NLRP9: variants seen among roughly 807,000 people sequenced by gnomAD.
NLRP9 encodes NLR family pyrin domain containing 9.
In NLRP9, 88 loss-of-function variants were observed where a neutral mutation model predicts 83.1. The ratio of observed to expected loss-of-function variants is 1.06; its 90% CI spans 0.89 to 1.26. The LOEUF (loss-of-function observed/expected upper bound fraction) is 1.26. Ranked by LOEUF, NLRP9 falls within the 50% of genes most tolerant of loss-of-function variation. The pLI is 0.00. For missense variants in NLRP9, 1,308 were observed against 1,179.3 expected, an observed-to-expected ratio of 1.11 and a Z score of -1.60; for synonymous variants, 521 against 447.6, an observed-to-expected ratio of 1.16 and a Z score of -2.07.
chr19:55,733,470 C>T lies in NLRP9; in HGVS notation c.361G>A (p.Glu121Lys), dbSNP rs1405688055. 1 of 1,613,634 alleles carries T rather than the reference C, an allele frequency of 6.2e-7. No homozygotes were observed. Among genetic ancestry groups the T allele is most frequent in the Non-Finnish European group, 8.5e-7 (1 of 1,179,770 alleles). ...TTCATGGTTTCTTTGTAGAAATGCT[C>T]AGGGACGTGAAGACAGGTTTCCTTC... Reference protein sequence around the residue: ...WEKETCLHVPEHFYKETMKNE... With the variant: ...WEKETCLHVPKHFYKETMKNE... The change falls in exon 2 of 9, where the codon GAG becomes AAG. Residue 121 changes from glutamate to lysine, a missense_variant. Transcript: ENST00000332836.
chr19:55,737,756 AAAAAGAT>A (rs1474908632), intron 1 of NLRP9, among the ~76,000 whole-genome samples: 1 of 150,226 alleles, frequency 6.7e-6, no homozygotes, highest in African/African-American at 2.5e-5. Context: ...AAAAAAAAAA[AAAAAGAT>A]AGGCAACTAC....
chr19:55,718,455 G>A (rs914958153), intron 4 of NLRP9, among the ~76,000 whole-genome samples: 6 of 152,218 alleles, frequency 3.9e-5, no homozygotes, highest in African/African-American at 1.4e-4. Context: ...TCCATTCTGA[G>A]ATAGGAGAAA....
In NLRP9 at chr19:55,708,954, A is replaced by C. The variant is rs1158775375; in HGVS notation, c.2934T>G (p.Pro978=). ...TGATCTTGTATTCCTCGTCAATCCA[A>C]GGTCCATGTGAAATGGTCAGATGGG... ...KIPHLTISHG[P]WIDEEYKIRG... Residue 978 remains proline, a synonymous_variant, in exon 9 of 9, where the codon CCT becomes CCG. Transcript: ENST00000332836. The C allele has an allele frequency of 1.9e-6, 3 of 1,584,246 alleles. No individual in the cohort carries two copies. The highest frequency in any genetic ancestry group is 3.7e-5 in the Admixed American group (2 of 53,886).
chr19:55,714,558 GGTGGGGTAAAT>G (rs1987932967), intron 6 of NLRP9, among the ~76,000 whole-genome samples: 2 of 152,168 alleles, frequency 1.3e-5, no homozygotes, highest in Admixed American at 6.6e-5. Flanking sequence ...CCCAGAACCA[GGTGGGGTAAAT>G]GTATAGCCTC....
chr19:55,708,797 CTG>C lies in NLRP9; in HGVS notation c.*113_*114del, dbSNP rs957886015. Reference sequence around the variant, plus strand: ...TTGCTAGAACACTTAGGGAGTACCTCTGAAATCACAGCCCTGCTGCCATGATG... The same window carrying C: ...TTGCTAGAACACTTAGGGAGTACCTCAAATCACAGCCCTGCTGCCATGATG... On this transcript the variant is annotated 3_prime_UTR_variant, in exon 9 of 9. Coordinates refer to ENST00000332836, the MANE Select transcript of NLRP9 (RefSeq NM_176820.4). The C allele has an allele frequency of 1.5e-6, 1 of 681,854 alleles. No homozygotes were observed. Among genetic ancestry groups the C allele is most frequent in the African/African-American group, 1.9e-5 (1 of 53,314 alleles). 42.2% of individuals were successfully genotyped at this position (681,854 alleles called of 1,614,324 possible).
chr19:55,719,267 C>T (rs1988142346), intron 4 of NLRP9, among the ~76,000 whole-genome samples: 1 of 152,218 alleles, frequency 6.6e-6, no homozygotes, highest in Non-Finnish European at 1.5e-5. Context: ...GAGATCCCAC[C>T]TCAGCCTCCC....
chr19:55,719,729 T>C (rs1012488625), intron 4 of NLRP9, among the ~76,000 whole-genome samples: 5 of 152,192 alleles, frequency 3.3e-5, no homozygotes, highest in Non-Finnish European at 7.3e-5. Flanking sequence ...GCAGAAGCCA[T>C]ATTTAAAGAT....
In NLRP9 at chr19:55,732,011, C is replaced by A. The variant is rs1224007610; in HGVS notation, c.1820G>T (p.Gly607Val). The part of the protein sequence containing the change: ...CVENIFPDDS[G>V]CISDYNEKLV... ...TAGACAGACTCACTCTGAGATGCAT[C>A]CTGAGTCATCTGGAAAGATATTCTC... The change falls in exon 2 of 9, where the codon GGA (glycine) becomes GTA (valine). Residue 607 changes from glycine (G) to valine (V), a missense_variant. Transcript: ENST00000332836. The A allele has an allele frequency of 1.9e-6, 3 of 1,562,264 alleles. No homozygotes were observed. The highest frequency in any genetic ancestry group is 2.6e-6 in the Non-Finnish European group (3 of 1,155,464).
At chr19:55,718,540 GGA>G (rs1360506173) in intron 4 of NLRP9, among the ~76,000 whole-genome samples, 2 of 152,200 alleles carry the variant, frequency 1.3e-5, no homozygotes, top group Non-Finnish European at 1.5e-5. Context: ...TGAGATGTTT[GGA>G]TGAAGAGAAA....
chr19:55,723,429 C>T (rs879585706), intron 4 of NLRP9, among the ~76,000 whole-genome samples: 16 of 151,986 alleles, frequency 1.1e-4, no homozygotes, highest in Admixed American at 2.6e-4. Context: ...GGGAGGTGTC[C>T]GTGAGATGAG....
At chr19:55,709,142 C>A (rs1331005532) in intron 8 of NLRP9, 98 bp from the exon 9 acceptor site, 2 of 796,652 alleles carry the variant, frequency 2.5e-6, no homozygotes, top group Admixed American at 3.8e-5. Flanking sequence ...CCTCTTTATT[C>A]TTTCCTAGAA....
At position 55,733,177 on chromosome 19, in the gene NLRP9, G is replaced by T; in HGVS notation, c.654C>A (p.Ser218=). The change falls in exon 2 of 9, where the codon TCC becomes TCA. Residue 218 remains serine, a synonymous_variant. Coordinates refer to ENST00000332836, the MANE Select transcript of NLRP9 (RefSeq NM_176820.4). The part of the protein sequence containing the change: ...ESSEKIEDIF[S]QPERILFIMD... ...TGATGAACAGAATTCTCTCTGGCTG[G>T]GAAAAAATGTCTTCGATCTTCTCTG... The T allele has an allele frequency of 6.2e-7, 1 of 1,613,528 alleles. No homozygotes were observed. The highest frequency in any genetic ancestry group is 8.5e-7 in the Non-Finnish European group (1 of 1,179,850).
intron 4 of NLRP9, among the ~76,000 whole-genome samples, chr19:55,722,986 G>A (rs1988275892): frequency 6.6e-6 from 1 of 152,106 alleles, no homozygotes; most frequent in Admixed American, 6.5e-5. Context: ...ACACACACTG[G>A]GGCCTGTCGG....
chr19:55,735,187 C>T (rs1419861505), intron 1 of NLRP9, among the ~76,000 whole-genome samples: 2 of 152,260 alleles, frequency 1.3e-5, no homozygotes. Context: ...ACAGCATCCA[C>T]TTTATTCTCC....
intron 8 of NLRP9, chr19:55,711,227 C>T (rs912791578): frequency 7.1e-6 from 2 of 282,312 alleles, no homozygotes; most frequent in African/African-American, 4.6e-5. Flanking sequence ...CATTTATACC[C>T]CGCCCATTTG....
rs920767312 is a variant in NLRP9 at position 55,711,727 on chromosome 19, C to G, written c.2843+73G>C. 12 of 1,443,778 alleles carry G rather than the reference C, an allele frequency of 8.3e-6. No homozygotes were observed. In the South Asian group the frequency reaches 1.2e-4, roughly 14 times the overall value. The allele number at this position is 1,443,778 out of a possible 1,614,324, so 89.4% of individuals were successfully genotyped here. Reference sequence around the variant, plus strand: ...CTCCAGCCTGGCATCCATCATGTCGCGGTTGAGCAAATGGCCAATGAACTA... The same window carrying G: ...CTCCAGCCTGGCATCCATCATGTCGGGGTTGAGCAAATGGCCAATGAACTA... On this transcript the variant is annotated intron_variant, in intron 8 of 8. Transcript: ENST00000332836.
chr19:55,715,942 G>A (rs1372746093), intron 5 of NLRP9, among the ~76,000 whole-genome samples: 1 of 152,306 alleles, frequency 6.6e-6, no homozygotes, highest in South Asian at 2.1e-4. Flanking sequence ...TTTGTTAAAA[G>A]AATAGATTTT....
At chr19:55,737,777 A>C (rs948942970) in intron 1 of NLRP9, among the ~76,000 whole-genome samples, 3 of 150,444 alleles carry the variant, frequency 2.0e-5, no homozygotes, top group African/African-American at 7.3e-5. Flanking sequence ...CAACTACCAT[A>C]CTAGAATTCC....
Position 55,733,425 on chromosome 19 carries a change from T to A in NLRP9, c.406A>T (p.Asn136Tyr), listed in dbSNP as rs1464606343. ...CTAGCCGCAGCAGTATATGCGTCAT[T>A]CAATTCTTTATACTCATTTTTCATG... ...ETMKNEYKEL[N>Y]DAYTAAARRH... The change falls in exon 2 of 9, where the codon AAT becomes TAT. Residue 136 changes from asparagine to tyrosine, a missense_variant. By Grantham distance (143) the Asn-to-Tyr change is moderately radical. Transcript: ENST00000332836. 1 of 1,613,992 alleles carries A rather than the reference T, an allele frequency of 6.2e-7. No homozygotes were observed.
Sources: allele counts gnomAD v4.1 joint callset (sites outside exome capture counted in the v4.1 genomes callset), GRCh38; gene constraint gnomAD v4.1.1; transcripts MANE v1.5; gene names NCBI Gene and HGNC (gene_info 2026-07-23, HGNC 2026-07-21).